Variants in DIO2 observed in about 807,000 individuals in gnomAD.
The protein encoded by DIO2 is iodothyronine deiodinase 2.
In DIO2, 19 loss-of-function variants were observed where a neutral mutation model predicts 21.4. That is an observed-to-expected ratio of 0.89 (90% confidence interval 0.62 to 1.30). DIO2 has a LOEUF of 1.30. Among genes scored for constraint, DIO2 ranks in the 50% most tolerant of loss-of-function variants. The pLI is 0.00. For synonymous variants in DIO2, 122 were observed against 132.9 expected (o/e 0.92, Z 0.57); for missense variants, 302 against 338.1 (o/e 0.89, Z 0.84).
In DIO2 at chr14:80,199,386, T is replaced by C. The variant is rs1887622482; in HGVS notation, c.*3303A>G. 6.6e-6 allele frequency: 1 copy of C among 152,188 alleles called. No homozygotes were observed. The highest frequency in any genetic ancestry group is 2.4e-5 in the African/African-American group (1 of 41,438). The allele number at this position is 152,188 out of a possible 1,614,324, so 9.4% of individuals were successfully genotyped here. A position where few individuals can be genotyped will look rare whatever the true frequency, so the allele number is the denominator to read the frequency against. Reference sequence around the variant, plus strand: ...ACTACCAAAAATCAAGGAGACGTGCTATAAATGAGGTGAAGACACAGGACC... The same window carrying C: ...ACTACCAAAAATCAAGGAGACGTGCCATAAATGAGGTGAAGACACAGGACC... On this transcript the variant is annotated 3_prime_UTR_variant, in exon 2 of 2. Transcript: ENST00000438257.
intron 1 of DIO2, among the ~76,000 whole-genome samples, chr14:80,205,097 T>C (rs1887895417): frequency 6.6e-6 from 1 of 152,170 alleles, no homozygotes; most frequent in South Asian, 2.1e-4. Flanking sequence ...GATTCTTTCA[T>C]ATGAACTACC....
chr14:80,218,327 G>C (rs1888396852), intron 2 of DIO2, among the ~76,000 whole-genome samples: 1 of 152,080 alleles, frequency 6.6e-6, no homozygotes, highest in South Asian at 2.1e-4. Context: ...GGAAACTTTG[G>C]ATGTAGTAGA....
intron 2 of DIO2, among the ~76,000 whole-genome samples, chr14:80,221,350 T>C (rs898824866): frequency 6.6e-6 from 1 of 152,224 alleles, no homozygotes; most frequent in African/African-American, 2.4e-5. Context: ...TTCTCCATCA[T>C]TTCTAAGCTA....
At chr14:80,209,543 C>G (rs1354892800) in intron 1 of DIO2, among the ~76,000 whole-genome samples, 1 of 152,124 alleles carries the variant, frequency 6.6e-6, no homozygotes, top group Non-Finnish European at 1.5e-5. Flanking sequence ...CTCCAAATTG[C>G]CTTCCACTAA....
intron 1 of DIO2, chr14:80,206,231 C>T (rs778446653): frequency 1.3e-6 from 2 of 1,520,530 alleles, no homozygotes; most frequent in South Asian, 1.3e-5. Flanking sequence ...ACACACCCAC[C>T]ATCCATAAAT....
At chr14:80,229,014 TG>T (rs200978509) in intron 2 of DIO2, among the ~76,000 whole-genome samples, 2,405 of 152,246 alleles carry the variant, frequency 0.016, 25 homozygotes, top group Middle Eastern at 0.034. Context: ...CATAATGTAG[TG>T]GGGTCCTAAC....
At chr14:80,224,496 T>TACACACAC (rs59545805) in intron 2 of DIO2, among the ~76,000 whole-genome samples, 25,191 of 138,212 alleles carry the variant, frequency 0.18, 2,751 homozygotes, top group East Asian at 0.3. Context: ...AGAGAGATAC[T>TACACACAC]ACACACACAC....
intron 2 of DIO2, among the ~76,000 whole-genome samples, chr14:80,219,177 A>G (rs1262471584): frequency 1.3e-5 from 2 of 152,188 alleles, no homozygotes; most frequent in East Asian, 3.9e-4. Flanking sequence ...AGTGGTTGGA[A>G]AAGGCAAATG....
intron 1 of DIO2, among the ~76,000 whole-genome samples, chr14:80,206,872 G>A (rs781533690): frequency 1.3e-5 from 2 of 152,042 alleles, no homozygotes; most frequent in South Asian, 2.1e-4. Flanking sequence ...TAATTAGGTC[G>A]GTACCTCTTT....
rs989826892 is a variant in DIO2 at position 80,200,874 on chromosome 14, C to T, written c.*1815G>A. ...GGTTCTTGCACACCTAGTTCTCACT[C>T]TTTTCTCAATTCAGACAACTAGTTT... is the stretch of plus-strand genomic sequence containing the variant. On this transcript the variant is annotated 3_prime_UTR_variant, in exon 2 of 2. Coordinates refer to ENST00000438257, the MANE Select transcript of DIO2 (RefSeq NM_013989.5). 6.6e-6 allele frequency: 1 copy of T among 152,126 alleles called. No homozygotes were observed. Among genetic ancestry groups the T allele is most frequent in the African/African-American group, 2.4e-5 (1 of 41,444 alleles). The allele number at this position is 152,126 out of a possible 1,614,324, so 9.4% of individuals were successfully genotyped here.
At chr14:80,204,007 G>C (rs1454785282) in intron 1 of DIO2, among the ~76,000 whole-genome samples, 1 of 152,180 alleles carries the variant, frequency 6.6e-6, no homozygotes, top group Non-Finnish European at 1.5e-5. Context: ...CTATGGGTGT[G>C]TGTTGTCCTT....
At chr14:80,213,515 G>A (rs139628438), upstream of DIO2, among the ~76,000 whole-genome samples, 1 of 152,106 alleles carries the variant, frequency 6.6e-6, no homozygotes, top group Non-Finnish European at 1.5e-5. Flanking sequence ...TGGTTGGCAG[G>A]TTGCTTTTTT....
In DIO2 at chr14:80,211,282, C is replaced by T; in HGVS notation, c.191G>A (p.Trp64Ter). Residue 64 changes from tryptophan to a stop codon, truncating the protein, a stop_gained, in exon 1 of 2, where the codon TGG becomes TAG. Coordinates refer to ENST00000438257, the MANE Select transcript of DIO2 (RefSeq NM_013989.5). LOFTEE classifies it high-confidence loss of function. ...GTAGGCATCGAGGAGGAAGCTCTTC[C>T]AGACGCAGCGCAGTCCCTCTGAGGT... Reference protein sequence around the residue: ...MLTSEGLRCVWKSFLLDAYKQ... With the variant: ...MLTSEGLRCV 1 of 1,612,698 alleles carries T rather than the reference C, an allele frequency of 6.2e-7. No individual in the cohort carries two copies. The highest frequency in any genetic ancestry group is 8.5e-7 in the Non-Finnish European group (1 of 1,179,832).
chr14:80,226,435 C>T lies in DIO2; in HGVS notation c.-277-9698G>A, dbSNP rs766203186. ...GTGAATCCACAGATGGTAGTCTTGG[C>T]GGAAGCATTGCATGCAGGATAGGCA... On this transcript the variant is annotated intron_variant, in intron 2 of 4. Transcript: ENST00000553594. Among the ~76,000 whole-genome samples, 62 of 152,286 alleles carry T rather than the reference C, an allele frequency of 4.1e-4. No individual in the cohort carries two copies. The Middle Eastern group carries it at 0.01, about 25-fold the overall frequency.
At chr14:80,211,853 A>C (rs1888220969), upstream of DIO2, 1 of 146,688 alleles carries the variant, frequency 6.8e-6, no homozygotes, top group Admixed American at 6.9e-5. Context: ...AGTCCGTTAA[A>C]GACAGGCAGT....
chr14:80,220,331 T>G (rs986062684), intron 2 of DIO2, among the ~76,000 whole-genome samples: 1 of 152,204 alleles, frequency 6.6e-6, no homozygotes, highest in African/African-American at 2.4e-5. Flanking sequence ...TTAGTGCATA[T>G]AAGCTCAATG....
In DIO2 at chr14:80,202,537, G is replaced by T; in HGVS notation, c.*152C>A. On this transcript the variant is annotated 3_prime_UTR_variant, in exon 2 of 2. Transcript: ENST00000438257. Reference sequence around the variant, plus strand: ...CAATGCCATTTGAGTAGTGAAAGAAGTATGGAGCTGTTAGAGATTCATGTT... The same window carrying T: ...CAATGCCATTTGAGTAGTGAAAGAATTATGGAGCTGTTAGAGATTCATGTT... 1.2e-6 allele frequency: 1 copy of T among 800,626 alleles called. No homozygotes were observed. Among genetic ancestry groups the T allele is most frequent in the Non-Finnish European group, 2.0e-6 (1 of 507,700 alleles). The allele number at this position is 800,626 out of a possible 1,614,324, so 49.6% of individuals were successfully genotyped here.
chr14:80,198,670 A>AT lies in DIO2; in HGVS notation c.*4018dup, dbSNP rs898425453. Reference sequence around the variant, plus strand: ...GGTACTTAAGCCCCATTCTGGAAGCATATATGAAGAGTGGGTTTGGATTCT... The same window carrying AT: ...GGTACTTAAGCCCCATTCTGGAAGCATTATATGAAGAGTGGGTTTGGATTCT... On this transcript the variant is annotated 3_prime_UTR_variant, in exon 2 of 2. Coordinates refer to ENST00000438257, the MANE Select transcript of DIO2 (RefSeq NM_013989.5). 16 of 151,750 alleles carry AT rather than the reference A, an allele frequency of 1.1e-4. No homozygotes were observed. Among genetic ancestry groups the AT allele is most frequent in the African/African-American group, 3.9e-4 (16 of 41,290 alleles). The allele number at this position is 151,750 out of a possible 1,614,324, so 9.4% of individuals were successfully genotyped here. A position where few individuals can be genotyped will look rare whatever the true frequency, so the allele number is the denominator to read the frequency against.
rs1303594233 is a variant in DIO2 at position 80,202,540 on chromosome 14, T to C, written c.*149A>G. 8.6e-6 allele frequency: 7 copies of C among 815,294 alleles called. No individual in the cohort carries two copies. The highest frequency in any genetic ancestry group is 7.7e-6 in the Non-Finnish European group (4 of 521,292). 50.5% of individuals were successfully genotyped at this position (815,294 alleles called of 1,614,324 possible). A position where few individuals can be genotyped will look rare whatever the true frequency, so the allele number is the denominator to read the frequency against. On this transcript the variant is annotated 3_prime_UTR_variant, in exon 2 of 2. Transcript: ENST00000438257. ...TGCCATTTGAGTAGTGAAAGAAGTATGGAGCTGTTAGAGATTCATGTTCTT... is the reference window on the plus strand; with the variant it reads ...TGCCATTTGAGTAGTGAAAGAAGTACGGAGCTGTTAGAGATTCATGTTCTT...
Sources: gnomAD v4.1 joint callset for allele counts (sites outside exome capture counted in the v4.1 genomes callset) on GRCh38, gnomAD v4.1.1 for gene constraint, MANE v1.5 for transcripts, NCBI Gene and HGNC (gene_info 2026-07-23, HGNC 2026-07-21) for gene names.